Variants in FBXL7 observed in about 807,000 individuals in gnomAD.
FBXL7 encodes F-box/LRR-repeat protein 7.
A neutral mutation model predicts 38.3 loss-of-function variants in FBXL7; 12 were observed. The ratio of observed to expected loss-of-function variants is 0.31; its 90% CI spans 0.20 to 0.51. FBXL7 has a LOEUF of 0.51. FBXL7 is among the 20% of genes least tolerant of loss of function. The pLI is 0.98. For synonymous variants in FBXL7, 297 were observed against 300.9 expected (o/e 0.99, Z 0.13); for missense variants, 567 against 676.4 (o/e 0.84, Z 1.79).
At chr5:15,598,231 A>T (rs1739682856) in intron 1 of FBXL7, among the ~76,000 whole-genome samples, 1 of 152,226 alleles carries the variant, frequency 6.6e-6, no homozygotes, top group Non-Finnish European at 1.5e-5. Flanking sequence ...CAGCCTTATC[A>T]GATTCATCAT....
chr5:15,760,458 T>A (rs928843059), intron 2 of FBXL7, among the ~76,000 whole-genome samples: 1 of 149,936 alleles, frequency 6.7e-6, no homozygotes, highest in Non-Finnish European at 1.5e-5. Flanking sequence ...GTTGAGAGAG[T>A]CCTAGATGAA....
chr5:15,836,537 G>A (rs1014896043), intron 2 of FBXL7, among the ~76,000 whole-genome samples: 5 of 152,100 alleles, frequency 3.3e-5, no homozygotes, highest in African/African-American at 1.2e-4. Context: ...GTGAGGGAGT[G>A]AGCCGTGTAG....
chr5:15,633,514 A>G (rs1408606339), intron 2 of FBXL7, among the ~76,000 whole-genome samples: 1 of 152,010 alleles, frequency 6.6e-6, no homozygotes, highest in Non-Finnish European at 1.5e-5. Flanking sequence ...CATTAGATGC[A>G]CATACTTCCA....
chr5:15,888,610 C>A (rs1228987876), intron 2 of FBXL7, among the ~76,000 whole-genome samples: 1 of 151,998 alleles, frequency 6.6e-6, no homozygotes, highest in African/African-American at 2.4e-5. Flanking sequence ...TTTTTTAAAC[C>A]ATGTGAGTAC....
chr5:15,873,809 G>A (rs1233949437), intron 2 of FBXL7, among the ~76,000 whole-genome samples: 1 of 152,164 alleles, frequency 6.6e-6, no homozygotes, highest in East Asian at 1.9e-4. Context: ...AGGACCAGGT[G>A]TATTCACAGC....
At chr5:15,579,460 G>T (rs778608435) in intron 1 of FBXL7, among the ~76,000 whole-genome samples, 3 of 152,180 alleles carry the variant, frequency 2.0e-5, no homozygotes, top group Non-Finnish European at 2.9e-5. Context: ...CAGTATGTCT[G>T]AGATGAAATA....
intron 1 of FBXL7, among the ~76,000 whole-genome samples, chr5:15,552,230 A>G (rs1738095686): frequency 6.6e-6 from 1 of 152,190 alleles, no homozygotes; most frequent in Non-Finnish European, 1.5e-5. Context: ...GCCATTGGCC[A>G]CTTCTTCCTG....
intron 2 of FBXL7, among the ~76,000 whole-genome samples, chr5:15,713,721 A>G (rs1181860736): frequency 6.6e-6 from 1 of 152,224 alleles, no homozygotes; most frequent in African/African-American, 2.4e-5. Context: ...GTGTAATTTC[A>G]AATACAAGAA....
At chr5:15,738,317 A>C (rs1735807135) in intron 2 of FBXL7, among the ~76,000 whole-genome samples, 1 of 152,228 alleles carries the variant, frequency 6.6e-6, no homozygotes, top group Non-Finnish European at 1.5e-5. Context: ...TGAGCAACAC[A>C]GTGCTATCCA....
intron 2 of FBXL7, 105 bp from the exon 3 acceptor site, chr5:15,927,785 A>AAAG (rs1268336140): frequency 3.5e-5 from 28 of 801,570 alleles, no homozygotes; most frequent in Admixed American, 8.5e-5. Flanking sequence ...AAAAAAAAAA[A>AAAG]AAGAAGAAGA....
intron 2 of FBXL7, among the ~76,000 whole-genome samples, chr5:15,882,781 G>T (rs1579565286): frequency 6.6e-6 from 1 of 152,106 alleles, no homozygotes; most frequent in African/African-American, 2.4e-5. Flanking sequence ...TTAAACTGAG[G>T]TCTAATGATT....
In FBXL7 at chr5:15,937,054, C is replaced by A; in HGVS notation, c.1344C>A (p.Ile448=). 2 of 1,614,014 alleles carry A rather than the reference C, an allele frequency of 1.2e-6. No individual in the cohort carries two copies. The highest frequency in any genetic ancestry group is 1.7e-6 in the Non-Finnish European group (2 of 1,179,894). The part of the protein sequence containing the change: ...CESITGQGLQ[I]VAANCFDLQT... Reference sequence around the variant, plus strand: ...GCATCACCGGCCAGGGCTTGCAGATCGTGGCCGCCAACTGCTTTGACCTCC... The same window carrying A: ...GCATCACCGGCCAGGGCTTGCAGATAGTGGCCGCCAACTGCTTTGACCTCC... Residue 448 remains isoleucine, a synonymous_variant, in exon 4 of 4, where the codon ATC becomes ATA. Transcript: ENST00000504595.
chr5:15,740,832 G>A (rs1454716574), intron 2 of FBXL7, among the ~76,000 whole-genome samples: 1 of 152,156 alleles, frequency 6.6e-6, no homozygotes, highest in Non-Finnish European at 1.5e-5. Context: ...GCAAATGCTA[G>A]ACATAGGCAC....
intron 2 of FBXL7, among the ~76,000 whole-genome samples, chr5:15,640,518 C>CTTTGTTTTT (rs1279579069): frequency 6.7e-6 from 1 of 148,872 alleles, no homozygotes; most frequent in Non-Finnish European, 1.5e-5. Context: ...GGGGTTAGGG[C>CTTTGTTTTT]TTTGTTTTTT....
At chr5:15,519,798 G>A (rs1190262498) in intron 1 of FBXL7, among the ~76,000 whole-genome samples, 2 of 152,154 alleles carry the variant, frequency 1.3e-5, no homozygotes, top group African/African-American at 4.8e-5. Flanking sequence ...CTGGTTAGTA[G>A]TTTCCTATCC....
At chr5:15,654,192 G>A (rs980598123) in intron 2 of FBXL7, among the ~76,000 whole-genome samples, 2 of 152,112 alleles carry the variant, frequency 1.3e-5, no homozygotes, top group African/African-American at 4.8e-5. Flanking sequence ...TAGGGCAAAG[G>A]TGCATAACTT....
intron 1 of FBXL7, among the ~76,000 whole-genome samples, chr5:15,532,144 A>G (rs1737450147): frequency 6.6e-6 from 1 of 152,150 alleles, no homozygotes; most frequent in African/African-American, 2.4e-5. Flanking sequence ...GCCTGAATAT[A>G]TTTTTACTGA....
intron 1 of FBXL7, among the ~76,000 whole-genome samples, chr5:15,598,680 A>C (rs940050749): frequency 4.8e-4 from 73 of 152,262 alleles, no homozygotes; most frequent in African/African-American, 1.5e-3. Flanking sequence ...GCGTCCAACA[A>C]GGCCTATGGT....
chr5:15,787,293 G>A (rs1737157226), intron 2 of FBXL7, among the ~76,000 whole-genome samples: 1 of 152,200 alleles, frequency 6.6e-6, no homozygotes, highest in African/African-American at 2.4e-5. Flanking sequence ...GTGACAAACT[G>A]CACATGCTGA....
Sources: allele counts gnomAD v4.1 joint callset (sites outside exome capture counted in the v4.1 genomes callset), GRCh38; gene constraint gnomAD v4.1.1; transcripts MANE v1.5; gene names NCBI Gene and HGNC (gene_info 2026-07-23, HGNC 2026-07-21).